The following SKIC3 variants were observed in gnomAD, a reference collection of about 807,000 sequenced individuals.
SKIC3 encodes the protein SKI3 subunit of superkiller complex, also known as superkiller complex protein 3.
chr5:95,540,358 T>C, the SKIC3 span, among the ~76,000 whole-genome samples: 1 of 152,024 alleles, frequency 6.6e-6, no homozygotes, highest in African/African-American at 2.4e-5. Context: ...CAGTGTACAC[T>C]ACTCGGGTGA....
the SKIC3 span, among the ~76,000 whole-genome samples, chr5:95,505,305 T>C: frequency 6.6e-6 from 1 of 152,194 alleles, no homozygotes; most frequent in African/African-American, 2.4e-5. Context: ...AAATAAGTTT[T>C]CTAAAGGTGA....
At chr5:95,505,556 G>A in the SKIC3 span, among the ~76,000 whole-genome samples, 1 of 152,192 alleles carries the variant, frequency 6.6e-6, no homozygotes, top group Non-Finnish European at 1.5e-5. Flanking sequence ...GCTCACGCCT[G>A]TAATTCCAGC....
chr5:95,523,581 A>T, the SKIC3 span: 1 of 1,488,800 alleles, frequency 6.7e-7, no homozygotes, highest in Admixed American at 1.8e-5. Context: ...TTTCAAGTAT[A>T]CATATATAAA....
chr5:95,551,943 A>C, the SKIC3 span, among the ~76,000 whole-genome samples: 2 of 152,164 alleles, frequency 1.3e-5, no homozygotes, highest in African/African-American at 4.8e-5. Context: ...CATTCCTAAA[A>C]CAACTAGTGT....
the SKIC3 span, chr5:95,513,291 T>C: frequency 2.5e-6 from 1 of 397,028 alleles, no homozygotes; most frequent in Non-Finnish European, 4.7e-6. Context: ...CACTGTATCC[T>C]GAAACTCCAG....
chr5:95,486,911 C>G, the SKIC3 span, among the ~76,000 whole-genome samples: 1 of 152,146 alleles, frequency 6.6e-6, no homozygotes, highest in South Asian at 2.1e-4. Context: ...CCCACCTACC[C>G]AGCCGAATTG....
At chr5:95,513,500 T>C in the SKIC3 span, 24 of 1,518,700 alleles carry the variant, frequency 1.6e-5, 1 homozygote, top group South Asian at 2.6e-4. Flanking sequence ...GCCCAATATC[T>C]ATTCATTCCC....
chr5:95,469,736 A>C, the SKIC3 span: 3 of 1,611,590 alleles, frequency 1.9e-6, no homozygotes, highest in Non-Finnish European at 2.5e-6. Flanking sequence ...GAAAGATTTA[A>C]AGTGAAGAAG....
the SKIC3 span, chr5:95,520,894 T>C: frequency 3.7e-6 from 4 of 1,090,212 alleles, no homozygotes; most frequent in Admixed American, 7.3e-5. Context: ...AATAAAGTTA[T>C]TGGTGTTATT....
At chr5:95,536,731 T>C in the SKIC3 span, 1 of 1,064,944 alleles carries the variant, frequency 9.4e-7, no homozygotes, top group Non-Finnish European at 1.5e-6. Flanking sequence ...TTAAACATGG[T>C]AGACACTAAA....
the SKIC3 span, chr5:95,523,274 G>C: frequency 6.2e-7 from 1 of 1,613,798 alleles, no homozygotes; most frequent in South Asian, 1.1e-5. Flanking sequence ...CCATTTTGCC[G>C]TTCCAGCACT....
At chr5:95,494,638 GAA>G in the SKIC3 span, 1 of 1,554,570 alleles carries the variant, frequency 6.4e-7, no homozygotes, top group African/African-American at 1.4e-5. Context: ...TATGTATTTA[GAA>G]AAAAAAAGAA....
At chr5:95,472,209 G>C in the SKIC3 span, among the ~76,000 whole-genome samples, 1 of 152,058 alleles carries the variant, frequency 6.6e-6, no homozygotes, top group East Asian at 1.9e-4. Context: ...CTCATTTCTG[G>C]ATCTAACAAA....
the SKIC3 span, among the ~76,000 whole-genome samples, chr5:95,539,954 A>T: frequency 6.6e-6 from 1 of 152,180 alleles, no homozygotes; most frequent in African/African-American, 2.4e-5. Context: ...ATACTTGCAC[A>T]TGCATGTTTA....
At chr5:95,506,283 G>GGC in the SKIC3 span, among the ~76,000 whole-genome samples, 1 of 152,128 alleles carries the variant, frequency 6.6e-6, no homozygotes, top group East Asian at 1.9e-4. Context: ...CTTAAAAGAT[G>GGC]TAGCACTAAT....
the SKIC3 span, chr5:95,464,697 T>C: frequency 7.5e-6 from 12 of 1,601,334 alleles, no homozygotes; most frequent in Non-Finnish European, 8.6e-6. Context: ...GGAAATCACA[T>C]ACAGGAACGT....
At chr5:95,497,068 G>A in the SKIC3 span, among the ~76,000 whole-genome samples, 1 of 151,982 alleles carries the variant, frequency 6.6e-6, no homozygotes, top group Non-Finnish European at 1.5e-5. Flanking sequence ...TATATTTTGG[G>A]ATTCAAAAAC....
chr5:95,513,325 T>A, the SKIC3 span: 3 of 446,178 alleles, frequency 6.7e-6, no homozygotes, highest in Non-Finnish European at 8.3e-6. Flanking sequence ...TGCCTCAGCC[T>A]CCTGAGTAGC....
At chr5:95,509,617 C>A in the SKIC3 span, 1 of 1,613,578 alleles carries the variant, frequency 6.2e-7, no homozygotes, top group Non-Finnish European at 8.5e-7. Context: ...TTGCTGCTTC[C>A]TTTTTCAGTT....
Sources: gnomAD v4.1 joint callset for allele counts (sites outside exome capture counted in the v4.1 genomes callset) on GRCh38, gnomAD v4.1.1 for gene constraint, MANE v1.5 for transcripts, NCBI Gene and HGNC (gene_info 2026-07-23, HGNC 2026-07-21) for gene names.